Variants in CNBD1 observed in about 807,000 individuals in gnomAD.
CNBD1 encodes the protein cyclic nucleotide-binding domain-containing protein 1.
CNBD1 carries 71 observed loss-of-function variants against 54.4 expected under a neutral mutation model. The observed-to-expected ratio is 1.30, with a 90% confidence interval of 1.08 to 1.59. The LOEUF is 1.59. Ranked by LOEUF, CNBD1 falls within the 40% of genes most tolerant of loss-of-function variation. The pLI, the probability that CNBD1 is intolerant of heterozygous loss-of-function variation, is 0.00. For synonymous variants in CNBD1, 182 were observed against 170.7 expected, an observed-to-expected ratio of 1.07 and a Z score of -0.51; for missense variants, 659 against 518.0, an observed-to-expected ratio of 1.27 and a Z score of -2.64.
intron 8 of CNBD1, among the ~76,000 whole-genome samples, chr8:87,320,674 TC>T (rs1809506114): frequency 6.6e-6 from 1 of 151,642 alleles, no homozygotes; most frequent in Admixed American, 6.6e-5. Context: ...ATACAGTAAC[TC>T]AAAGGTTACA....
chr8:87,240,033 T>A (rs1348915957), intron 6 of CNBD1, among the ~76,000 whole-genome samples: 1 of 151,054 alleles, frequency 6.6e-6, no homozygotes, highest in Non-Finnish European at 1.5e-5. Context: ...CTTAGAGACA[T>A]CTCAGCATAA....
At chr8:87,334,611 GC>G (rs1306453444) in intron 8 of CNBD1, among the ~76,000 whole-genome samples, 1 of 151,550 alleles carries the variant, frequency 6.6e-6, no homozygotes, top group Non-Finnish European at 1.5e-5. Flanking sequence ...CTTGATTTCT[GC>G]CTTAATTTTG....
chr8:87,101,947 G>A (rs935968047), intron 4 of CNBD1, among the ~76,000 whole-genome samples: 3 of 149,696 alleles, frequency 2.0e-5, no homozygotes, highest in Admixed American at 1.3e-4. Flanking sequence ...GGAGTGCAGT[G>A]GTGCGATCTT....
At chr8:86,934,653 T>C (rs1809513227) in intron 3 of CNBD1, among the ~76,000 whole-genome samples, 2 of 152,226 alleles carry the variant, frequency 1.3e-5, no homozygotes, top group African/African-American at 4.8e-5. Context: ...TTCATTTCTC[T>C]TTCTAGTTTG....
At position 87,145,628 on chromosome 8, in the gene CNBD1, G is replaced by C. The variant is rs1021813757; in HGVS notation, c.432-60365G>C. Among the ~76,000 whole-genome samples, 5 of 152,144 alleles carry C rather than the reference G, an allele frequency of 3.3e-5. No individual in the cohort carries two copies. In the South Asian group the frequency reaches 1.0e-3, roughly 31 times the overall value. On this transcript the variant is annotated intron_variant, in intron 4 of 10. Coordinates refer to ENST00000518476, the MANE Select transcript of CNBD1 (RefSeq NM_173538.3). ...TGAAAAACCATAGCATATAAGATGG[G>C]ATTGATTAGATTTCAAGTGTTGGAA...
intron 8 of CNBD1, among the ~76,000 whole-genome samples, chr8:87,297,709 G>C (rs567027330): frequency 1.3e-5 from 2 of 152,070 alleles, no homozygotes; most frequent in East Asian, 3.9e-4. Context: ...TGGGGTGTGT[G>C]TGTGTGTGTG....
chr8:87,222,416 C>T (rs1418758577), intron 5 of CNBD1, among the ~76,000 whole-genome samples: 1 of 152,080 alleles, frequency 6.6e-6, no homozygotes, highest in Admixed American at 6.6e-5. Context: ...CTGGCAGAGA[C>T]TGAAAACAAA....
intron 8 of CNBD1, among the ~76,000 whole-genome samples, chr8:87,309,512 C>T (rs565037271): frequency 1.3e-4 from 20 of 152,138 alleles, no homozygotes; most frequent in East Asian, 7.8e-4. Context: ...CATATGATTT[C>T]GGGAAATATA....
chr8:87,367,134 A>G (rs1335821641), intron 10 of CNBD1, among the ~76,000 whole-genome samples: 1 of 152,060 alleles, frequency 6.6e-6, no homozygotes, highest in Non-Finnish European at 1.5e-5. Flanking sequence ...TATGTGGCCT[A>G]CATAGGAAAG....
chr8:87,214,369 C>G (rs1814162686), intron 5 of CNBD1, among the ~76,000 whole-genome samples: 1 of 152,090 alleles, frequency 6.6e-6, no homozygotes, highest in Non-Finnish European at 1.5e-5. Flanking sequence ...GTCACCTTTT[C>G]TCCAGTTCCC....
At chr8:87,420,002 A>C (rs562125399) in intron 2 of CNBD1, among the ~76,000 whole-genome samples, 21 of 150,252 alleles carry the variant, frequency 1.4e-4, no homozygotes, top group Non-Finnish European at 3.0e-4. Flanking sequence ...AAGTATATTG[A>C]ATCCAGAAAT....
chr8:86,871,619 C>T (rs1434331124), intron 1 of CNBD1, among the ~76,000 whole-genome samples: 1 of 152,212 alleles, frequency 6.6e-6, no homozygotes, highest in Admixed American at 6.5e-5. Flanking sequence ...ACAGCTAAAA[C>T]ACTTTGTTAT....
intron 8 of CNBD1, among the ~76,000 whole-genome samples, chr8:87,328,868 A>G (rs1029575382): frequency 6.6e-6 from 1 of 152,056 alleles, no homozygotes; most frequent in African/African-American, 2.4e-5. Context: ...ATGCTACTGT[A>G]AATTAGAACA....
chr8:87,028,099 ACAGC>A (rs1447365873), intron 4 of CNBD1, among the ~76,000 whole-genome samples: 1 of 152,156 alleles, frequency 6.6e-6, no homozygotes, highest in African/African-American at 2.4e-5. Flanking sequence ...CCATACTGAA[ACAGC>A]CAGGGTGCAT....
chr8:87,408,556 C>T (rs1199676034), intron 2 of CNBD1, among the ~76,000 whole-genome samples: 3 of 151,946 alleles, frequency 2.0e-5, no homozygotes, highest in Non-Finnish European at 4.4e-5. Flanking sequence ...CTTTTCGTCT[C>T]TCAGTATTTA....
At chr8:87,113,464 G>C (rs1270553400) in intron 4 of CNBD1, among the ~76,000 whole-genome samples, 1 of 152,212 alleles carries the variant, frequency 6.6e-6, no homozygotes, top group African/African-American at 2.4e-5. Context: ...GGATGAATTT[G>C]TGAAGTCTCC....
chr8:87,412,175 G>T (rs542633549), intron 2 of CNBD1, among the ~76,000 whole-genome samples: 1 of 151,844 alleles, frequency 6.6e-6, no homozygotes, highest in Non-Finnish European at 1.5e-5. Flanking sequence ...CATTTTGTCT[G>T]CTTAAGGCAA....
At chr8:86,978,984 A>T (rs557442730) in intron 4 of CNBD1, among the ~76,000 whole-genome samples, 1 of 152,190 alleles carries the variant, frequency 6.6e-6, no homozygotes, top group Non-Finnish European at 1.5e-5. Context: ...TGAGTTATAC[A>T]ATGTAACTTT....
chr8:87,319,524 G>A (rs1371080017), intron 8 of CNBD1, among the ~76,000 whole-genome samples: 2 of 151,686 alleles, frequency 1.3e-5, no homozygotes, highest in South Asian at 2.1e-4. Flanking sequence ...TAAAAAATGA[G>A]GAAGCAAAAA....
Sources: gnomAD v4.1 joint callset for allele counts (sites outside exome capture counted in the v4.1 genomes callset) on GRCh38, gnomAD v4.1.1 for gene constraint, MANE v1.5 for transcripts, NCBI Gene and HGNC (gene_info 2026-07-23, HGNC 2026-07-21) for gene names.